Variants in ITGAE observed in about 807,000 individuals in gnomAD.
ITGAE encodes the protein integrin subunit alpha E, also known as integrin alpha-E.
Under a neutral mutation model 136.5 loss-of-function variants are expected in ITGAE, and 99 were observed. The ratio of observed to expected loss-of-function variants is 0.73; its 90% CI spans 0.62 to 0.86. The LOEUF is 0.86. Ranked by LOEUF, ITGAE falls within the 40% of genes least tolerant of loss-of-function variation. The pLI is 0.00. For missense variants in ITGAE, 1,447 were observed against 1,515.3 expected, an observed-to-expected ratio of 0.95 and a Z score of 0.75; for synonymous variants, 613 against 591.8, an observed-to-expected ratio of 1.04 and a Z score of -0.52.
At position 3,751,851 on chromosome 17, in the gene ITGAE, G is replaced by A. The variant is rs1400793876; in HGVS notation, c.1692C>T (p.Arg564=). The A allele has an allele frequency of 4.3e-6, 7 of 1,613,930 alleles. No individual in the cohort carries two copies. In the South Asian group the frequency reaches 7.7e-5, roughly 18 times the overall value. The change falls in exon 15 of 31, where the codon CGC becomes CGT. Residue 564 remains arginine (R), a synonymous_variant. Coordinates refer to ENST00000263087, the MANE Select transcript of ITGAE (RefSeq NM_002208.5). Reference sequence around the variant, plus strand: ...TGAACCCGGGGTGCCCACTCAGTATGCGTGCCAAGGAGAAAGAACCATCCT... The same window carrying A: ...TGAACCCGGGGTGCCCACTCAGTATACGTGCCAAGGAGAAAGAACCATCCT... The part of the protein sequence containing the change: ...SEQDGSFSLA[R]ILSGHPGFTN...
At chr17:3,745,217 T>C (rs924181711) in intron 18 of ITGAE, among the ~76,000 whole-genome samples, 1 of 152,188 alleles carries the variant, frequency 6.6e-6, no homozygotes, top group African/African-American at 2.4e-5. Context: ...CCCTCGGTCC[T>C]AGTTATTATC....
In ITGAE at chr17:3,725,257, T is replaced by G. The variant is rs1410892344; in HGVS notation, c.3085-1513A>C. 3 of 1,614,196 alleles carry G rather than the reference T, an allele frequency of 1.9e-6. No homozygotes were observed. The South Asian group carries it at 3.3e-5, about 18-fold the overall frequency. Reference sequence around the variant, plus strand: ...CCGTCCTCTTGGCACTCCTCCTCTATGTATTTGCTAAGCCCCTTAAACACT... The same window carrying G: ...CCGTCCTCTTGGCACTCCTCCTCTAGGTATTTGCTAAGCCCCTTAAACACT... On this transcript the variant is annotated intron_variant, in intron 26 of 30. Coordinates refer to ENST00000263087, the MANE Select transcript of ITGAE (RefSeq NM_002208.5).
chr17:3,797,112 C>G (rs1042764987), intron 1 of ITGAE, among the ~76,000 whole-genome samples: 39 of 150,246 alleles, frequency 2.6e-4, no homozygotes, highest in Admixed American at 5.3e-4. Context: ...GCCAACAGGC[C>G]TTGAGCACTA....
chr17:3,749,341 G>A (rs940167662), intron 16 of ITGAE, among the ~76,000 whole-genome samples: 2 of 151,626 alleles, frequency 1.3e-5, no homozygotes, highest in East Asian at 3.9e-4. Context: ...TGCAAGCTCC[G>A]CCTCCCGGGT....
chr17:3,777,817 T>C (rs536532458), intron 1 of ITGAE, among the ~76,000 whole-genome samples, 157 bp from the exon 2 acceptor site: 5 of 152,162 alleles, frequency 3.3e-5, no homozygotes, highest in Admixed American at 1.3e-4. Flanking sequence ...GACGCAGGTG[T>C]ATCTGACCCA....
chr17:3,720,464 T>G, intron 28 of ITGAE, 62 bp from the exon 29 acceptor site: 1 of 777,962 alleles, frequency 1.3e-6, no homozygotes, highest in Non-Finnish European at 2.3e-6. Context: ...CTCACTGTGT[T>G]TGAACAGCCT....
intron 1 of ITGAE, among the ~76,000 whole-genome samples, chr17:3,782,584 T>G (rs1462406700): frequency 6.6e-6 from 1 of 151,966 alleles, no homozygotes; most frequent in African/African-American, 2.4e-5. Context: ...GCCAGGCTGG[T>G]CTCGAACTCC....
At chr17:3,720,831 C>T (rs1030946390) in intron 28 of ITGAE, among the ~76,000 whole-genome samples, 1 of 152,150 alleles carries the variant, frequency 6.6e-6, no homozygotes, top group Non-Finnish European at 1.5e-5. Flanking sequence ...GATCTACCCA[C>T]CTCGGCCTCC....
intron 4 of ITGAE, 72 bp downstream of exon 4, chr17:3,761,843 A>G: frequency 3.0e-6 from 4 of 1,346,958 alleles, no homozygotes; most frequent in Non-Finnish European, 4.2e-6. Flanking sequence ...AACTGGTCTC[A>G]ACACCAGGGT....
chr17:3,755,596 CCCTT>C (rs2052000328), intron 11 of ITGAE, among the ~76,000 whole-genome samples: 10 of 152,222 alleles, frequency 6.6e-5, no homozygotes, highest in Admixed American at 6.5e-4. Flanking sequence ...AATATGGCCA[CCCTT>C]TTGTTGCAGT....
At position 3,736,829 on chromosome 17, in the gene ITGAE, C is replaced by T. The variant is rs977597947; in HGVS notation, c.2523-1880G>A. Among the ~76,000 whole-genome samples, 14 of 151,804 alleles carry T rather than the reference C, an allele frequency of 9.2e-5. No homozygotes were observed. The East Asian group carries it at 2.5e-3, about 27-fold the overall frequency. ...GTGCTGGGATTACAGGCGTGAGCCA[C>T]CACGCCCGGCCTAGGAAGTAATGTG... On this transcript the variant is annotated intron_variant, in intron 20 of 30. Coordinates refer to ENST00000263087, the MANE Select transcript of ITGAE (RefSeq NM_002208.5).
At chr17:3,729,451 C>G (rs760879153) in intron 24 of ITGAE, 27 bp downstream of exon 24, 19 of 1,477,462 alleles carry the variant, frequency 1.3e-5, no homozygotes, top group Non-Finnish European at 1.8e-5. Context: ...GGAGTCACAC[C>G]GCTGCTGGCC....
chr17:3,725,393 C>G, intron 26 of ITGAE: 1 of 1,614,208 alleles, frequency 6.2e-7, no homozygotes, highest in Middle Eastern at 1.6e-4. Flanking sequence ...AACTGCAACG[C>G]TGTGAGAAGA....
chr17:3,774,561 C>T (rs907680966), intron 2 of ITGAE, among the ~76,000 whole-genome samples: 8 of 152,064 alleles, frequency 5.3e-5, no homozygotes, highest in African/African-American at 1.9e-4. Context: ...GTCAGGAGTT[C>T]AAGACCATCC....
chr17:3,755,366 G>C (rs2051995890), intron 11 of ITGAE, 105 bp from the exon 12 acceptor site: 9 of 1,329,432 alleles, frequency 6.8e-6, no homozygotes, highest in African/African-American at 1.5e-5. Context: ...CTGGGAGCAG[G>C]GGGGCGTTCG....
intron 1 of ITGAE, among the ~76,000 whole-genome samples, chr17:3,797,166 T>C (rs1204686036): frequency 5.5e-5 from 6 of 108,550 alleles, no homozygotes; most frequent in African/African-American, 1.4e-4. Flanking sequence ...TATTTTTTTT[T>C]TTTTTTTTTT....
chr17:3,790,478 G>A (rs2052911385), intron 1 of ITGAE, among the ~76,000 whole-genome samples: 2 of 151,704 alleles, frequency 1.3e-5, no homozygotes, highest in Admixed American at 1.3e-4. Flanking sequence ...CTGCACTCCA[G>A]CCTGGTGATA....
intron 3 of ITGAE, 106 bp from the exon 4 acceptor site, chr17:3,762,088 G>A (rs1344056628): frequency 2.4e-5 from 21 of 874,786 alleles, no homozygotes; most frequent in Non-Finnish European, 3.6e-5. Flanking sequence ...CCCCCATGAG[G>A]AACTGTTGGC....
intron 1 of ITGAE, among the ~76,000 whole-genome samples, chr17:3,784,040 C>A (rs903633212): frequency 6.6e-6 from 1 of 152,148 alleles, no homozygotes; most frequent in Non-Finnish European, 1.5e-5. Flanking sequence ...GCGGGCGGAT[C>A]ACGAGGTCAG....
Sources: gnomAD v4.1 joint callset for allele counts (sites outside exome capture counted in the v4.1 genomes callset) on GRCh38, gnomAD v4.1.1 for gene constraint, MANE v1.5 for transcripts, NCBI Gene and HGNC (gene_info 2026-07-23, HGNC 2026-07-21) for gene names.